Variants in CARM1 observed in about 807,000 individuals in gnomAD.
The protein encoded by CARM1 is coactivator associated arginine methyltransferase 1, also known as histone-arginine methyltransferase CARM1.
In CARM1, 14 loss-of-function variants were observed where a neutral mutation model predicts 72.7. The ratio of observed to expected loss-of-function variants is 0.19; its 90% CI spans 0.13 to 0.30. The LOEUF (loss-of-function observed/expected upper bound fraction) is 0.30. Among genes scored for constraint, CARM1 ranks in the 10% least tolerant of loss-of-function variants. CARM1 has a pLI of 1.00. For synonymous variants in CARM1, 333 were observed against 345.5 expected (o/e 0.96, Z 0.40); for missense variants, 432 against 833.7 (o/e 0.52, Z 5.93).
In CARM1 at chr19:10,914,075, A is replaced by G. The variant is rs75082406; in HGVS notation, c.847+21A>G. On this transcript the variant is annotated intron_variant, in intron 6 of 15. Coordinates refer to ENST00000327064, the MANE Select transcript of CARM1 (RefSeq NM_199141.2). The stretch of plus-strand genomic sequence containing the variant: ...CAGCGGTGAGCACTGGGGGGTACAC[A>G]GGCCAGGCCCCTCGGTGGAGGCCCT... 1,117 of 1,596,418 alleles carry G rather than the reference A, an allele frequency of 7.0e-4. 5 individuals are homozygous for G. The African/African-American group carries it at 0.013, about 19-fold the overall frequency.
chr19:10,884,276 G>A (rs1221289052), intron 1 of CARM1, among the ~76,000 whole-genome samples: 1 of 151,362 alleles, frequency 6.6e-6, no homozygotes, highest in Non-Finnish European at 1.5e-5. Context: ...AGGAGATGGA[G>A]GTTGTGGTGA....
At chr19:10,876,379 G>A (rs2073864927) in intron 1 of CARM1, among the ~76,000 whole-genome samples, 1 of 152,230 alleles carries the variant, frequency 6.6e-6, no homozygotes, top group South Asian at 2.1e-4. Context: ...TGTGGCATGG[G>A]AATGAGCTAG....
chr19:10,895,483 C>T (rs62131836), intron 1 of CARM1, among the ~76,000 whole-genome samples: 2,423 of 152,322 alleles, frequency 0.016, 33 homozygotes, highest in Middle Eastern at 0.024. Context: ...AGACCCCCTG[C>T]TTGTTCCGTT....
In CARM1 at chr19:10,920,506, C is replaced by G. The variant is rs755158967; in HGVS notation, c.1267C>G (p.Gln423Glu). Residue 423 changes from glutamine (Q) to glutamate (E), a missense_variant, in exon 11 of 16, where the codon CAG becomes GAG. Gln to Glu is a conservative substitution (Grantham distance 29). Around this residue, in one of 3 missense-constraint regions of CARM1, gnomAD observed 152 missense variants for 452.8 expected, o/e 0.34. Coordinates refer to ENST00000327064, the MANE Select transcript of CARM1 (RefSeq NM_199141.2). This position sits in a 1 kb window ranked among gnomAD's most constrained non-coding sequence, Gnocchi z 5.3. ...THWYQVRCLFQSPLFAKAGDT... is the reference protein window; with the variant it reads ...THWYQVRCLFESPLFAKAGDT... Reference sequence around the variant, plus strand: ...CTGGTACCAGGTGCGGTGCCTGTTCCAGTCACCACTGTTCGCCAAGGCAGG... The same window carrying G: ...CTGGTACCAGGTGCGGTGCCTGTTCGAGTCACCACTGTTCGCCAAGGCAGG... 6.2e-7 allele frequency: 1 copy of G among 1,613,942 alleles called. No homozygotes were observed. Among genetic ancestry groups the G allele is most frequent in the Non-Finnish European group, 8.5e-7 (1 of 1,179,908 alleles).
chr19:10,905,217 G>A (rs2074094071), intron 2 of CARM1, 141 bp downstream of exon 2: 1 of 1,022,724 alleles, frequency 9.8e-7, no homozygotes, highest in Non-Finnish European at 1.4e-6. Context: ...ATTCCCACAT[G>A]CAGGTATGCC....
At chr19:10,917,393 C>T (rs1013039793) in intron 8 of CARM1, among the ~76,000 whole-genome samples, 9 of 151,934 alleles carry the variant, frequency 5.9e-5, no homozygotes, top group African/African-American at 1.7e-4. Context: ...AGGAGAATGG[C>T]GTGAACCCGG....
At chr19:10,897,638 G>T (rs772493663) in intron 1 of CARM1, among the ~76,000 whole-genome samples, 1 of 152,166 alleles carries the variant, frequency 6.6e-6, no homozygotes, top group African/African-American at 2.4e-5. Context: ...TACGTTCCCC[G>T]TTGGAGACTC....
chr19:10,899,725 T>TC (rs1416467641), intron 1 of CARM1, among the ~76,000 whole-genome samples: 1 of 147,262 alleles, frequency 6.8e-6, no homozygotes, highest in African/African-American at 2.5e-5. Flanking sequence ...TTCTTTTTCT[T>TC]TTTTTTTTTT....
chr19:10,909,108 T>C lies in CARM1; in HGVS notation c.459T>C (p.Tyr153=), dbSNP rs1195060797. ...ESSAVQYFQF[Y]GYLSQQQNMM... is the part of the protein sequence containing the mutation. Reference sequence around the variant, plus strand: ...TCGGTATGTCTCTGTTCCAGTTTTATGGCTACCTGTCCCAGCAGCAGAACA... The same window carrying C: ...TCGGTATGTCTCTGTTCCAGTTTTACGGCTACCTGTCCCAGCAGCAGAACA... The change falls in exon 4 of 16, where the codon TAT becomes TAC. Residue 153 remains tyrosine, a synonymous_variant. Transcript: ENST00000327064. 3 of 1,612,834 alleles carry C rather than the reference T, an allele frequency of 1.9e-6. No individual in the cohort carries two copies. The highest frequency in any genetic ancestry group is 1.7e-5 in the Admixed American group (1 of 60,016).
chr19:10,888,695 C>T (rs2073959382), intron 1 of CARM1, among the ~76,000 whole-genome samples: 1 of 152,216 alleles, frequency 6.6e-6, no homozygotes, highest in Non-Finnish European at 1.5e-5. Flanking sequence ...AGCTCCCGCG[C>T]TTTCTGGGGC....
intron 8 of CARM1, chr19:10,919,347 C>G: frequency 2.0e-6 from 1 of 498,532 alleles, no homozygotes; most frequent in Non-Finnish European, 3.5e-6. Context: ...GTTCATGTAT[C>G]TGGAGGTTAA....
At chr19:10,907,896 T>A in intron 2 of CARM1, 143 bp from the exon 3 acceptor site, 1 of 596,140 alleles carries the variant, frequency 1.7e-6, no homozygotes, top group Non-Finnish European at 3.0e-6. Context: ...CTTTGAAAAT[T>A]GTTTTTCGGG....
chr19:10,917,345 CG>C (rs2074205883), intron 8 of CARM1, among the ~76,000 whole-genome samples: 1 of 152,006 alleles, frequency 6.6e-6, no homozygotes, highest in Non-Finnish European at 1.5e-5. Context: ...GACGTGGTGG[CG>C]GGCGCCTGTA....
chr19:10,908,157 T>C lies in CARM1; in HGVS notation c.453+12T>C, dbSNP rs748755489. On this transcript the variant is annotated intron_variant, in intron 3 of 15. Transcript: ENST00000327064. Reference sequence around the variant, plus strand: ...TGCAGTACTTCCAGGTGGGTTGTACTCCCCCTCAGCCAGGCCGCCTCCCCC... The same window carrying C: ...TGCAGTACTTCCAGGTGGGTTGTACCCCCCCTCAGCCAGGCCGCCTCCCCC... The C allele has an allele frequency of 1.9e-6, 3 of 1,584,716 alleles. No individual in the cohort carries two copies. Among genetic ancestry groups the C allele is most frequent in the South Asian group, 1.1e-5 (1 of 90,342 alleles).
In CARM1 at chr19:10,922,171, G is replaced by A. The variant is rs773312475; in HGVS notation, c.*414G>A. The A allele has an allele frequency of 2.4e-5, 4 of 166,168 alleles. No homozygotes were observed. Among genetic ancestry groups the A allele is most frequent in the Admixed American group, 6.4e-5 (1 of 15,654 alleles). The allele number at this position is 166,168 out of a possible 1,614,324, so 10.3% of individuals were successfully genotyped here. A position where few individuals can be genotyped will look rare whatever the true frequency, so the allele number is the denominator to read the frequency against. On this transcript the variant is annotated 3_prime_UTR_variant, in exon 16 of 16. Coordinates refer to ENST00000327064, the MANE Select transcript of CARM1 (RefSeq NM_199141.2). ...GCCTCCCCTTCGACGACCAGGCCTC[G>A]GTCACAACGGACGTGACATGCTGCT...
chr19:10,880,566 C>A (rs574244894), intron 1 of CARM1, among the ~76,000 whole-genome samples: 6 of 140,986 alleles, frequency 4.3e-5, no homozygotes, highest in African/African-American at 8.0e-5. Flanking sequence ...GTTGCTCAGG[C>A]GGATGTGGAA....
In CARM1 at chr19:10,877,894, A is replaced by G. The variant is rs143750344; in HGVS notation, c.220+5972A>G. ...AGGCACATGCCGCCATGCCCAGCTAATTTTTTGTATTTTAGTAGCTCACTG... is the reference window on the plus strand; with the variant it reads ...AGGCACATGCCGCCATGCCCAGCTAGTTTTTTGTATTTTAGTAGCTCACTG... On this transcript the variant is annotated intron_variant, in intron 1 of 15. Transcript: ENST00000327064. 1.3e-3 allele frequency among the ~76,000 whole-genome samples: 201 copies of G among 152,170 alleles called. 2 individuals are homozygous for G. Among genetic ancestry groups the G allele is most frequent in the African/African-American group, 4.5e-3 (188 of 41,506 alleles).
At chr19:10,904,848 G>A (rs2074091056) in intron 1 of CARM1, 103 bp from the exon 2 acceptor site, 1 of 1,483,370 alleles carries the variant, frequency 6.7e-7, no homozygotes, top group African/African-American at 1.4e-5. Flanking sequence ...GGAAGAATCT[G>A]GGGGCACCAA....
At chr19:10,895,108 T>C (rs2074015137) in intron 1 of CARM1, among the ~76,000 whole-genome samples, 1 of 151,794 alleles carries the variant, frequency 6.6e-6, no homozygotes, top group Non-Finnish European at 1.5e-5. Flanking sequence ...TGGGAGGTTC[T>C]CTTTTTTTTT....
Sources: gnomAD v4.1 joint callset for allele counts (sites outside exome capture counted in the v4.1 genomes callset) on GRCh38, gnomAD v4.1.1 for gene constraint, gnomAD v4.1.1 regional missense constraint, Gnocchi (gnomAD v3.1) non-coding constraint, MANE v1.5 for transcripts, NCBI Gene and HGNC (gene_info 2026-07-23, HGNC 2026-07-21) for gene names.